The following SCUBE1 variants were observed in gnomAD, a reference collection of about 807,000 sequenced individuals.
The protein encoded by SCUBE1 is signal peptide, CUB and EGF-like domain-containing protein 1.
SCUBE1 carries 59 observed loss-of-function variants against 124.4 expected under a neutral mutation model. The ratio of observed to expected loss-of-function variants is 0.47; its 90% CI spans 0.38 to 0.59. The LOEUF is 0.59. SCUBE1 is among the 20% of genes least tolerant of loss of function. The pLI, the probability that SCUBE1 is intolerant of heterozygous loss-of-function variation, is 0.00. For synonymous variants in SCUBE1, 545 were observed against 550.9 expected, an observed-to-expected ratio of 0.99 and a Z score of 0.15; for missense variants, 1,150 against 1,371.2, an observed-to-expected ratio of 0.84 and a Z score of 2.55.
intron 1 of SCUBE1, among the ~76,000 whole-genome samples, chr22:43,341,519 A>T (rs1388667459): frequency 6.6e-6 from 1 of 152,168 alleles, no homozygotes; most frequent in Non-Finnish European, 1.5e-5. Flanking sequence ...CCTCACCCCT[A>T]ATCTCCCACC....
intron 9 of SCUBE1, among the ~76,000 whole-genome samples, chr22:43,228,086 C>T (rs2039383926): frequency 6.6e-6 from 1 of 152,212 alleles, no homozygotes; most frequent in African/African-American, 2.4e-5. Context: ...TGTAGCCCGC[C>T]TCCAGAAGCC....
chr22:43,320,769 C>T (rs1404186537), intron 2 of SCUBE1, among the ~76,000 whole-genome samples: 4 of 152,222 alleles, frequency 2.6e-5, no homozygotes, highest in African/African-American at 9.6e-5. Flanking sequence ...TGCAAGAGCA[C>T]TGAAGAAACC....
At chr22:43,293,089 G>C (rs1416364315) in intron 3 of SCUBE1, among the ~76,000 whole-genome samples, 1 of 152,204 alleles carries the variant, frequency 6.6e-6, no homozygotes, top group African/African-American at 2.4e-5. Flanking sequence ...GCAGCCCCTA[G>C]GGGTGGCGAG....
In SCUBE1 at chr22:43,202,214, C is replaced by G. The variant is rs780169535; in HGVS notation, c.*1783G>C. 1.3e-5 allele frequency: 2 copies of G among 152,258 alleles called. No homozygotes were observed. The highest frequency in any genetic ancestry group is 2.4e-5 in the African/African-American group (1 of 41,460). 9.4% of individuals were successfully genotyped at this position (152,258 alleles called of 1,614,324 possible). A position where few individuals can be genotyped will look rare whatever the true frequency, so the allele number is the denominator to read the frequency against. On this transcript the variant is annotated 3_prime_UTR_variant, in exon 22 of 22. Coordinates refer to ENST00000360835, the MANE Select transcript of SCUBE1 (RefSeq NM_173050.5). ...TAGAATATGTGATCACGGCCTACCT[C>G]GTCACCAAGCCCTGAACCTCCAGGG...
chr22:43,268,620 T>C (rs1321178323), intron 4 of SCUBE1, among the ~76,000 whole-genome samples: 1 of 152,248 alleles, frequency 6.6e-6, no homozygotes, highest in Non-Finnish European at 1.5e-5. Flanking sequence ...TGCGTGACCC[T>C]GGGCAAGCCC....
chr22:43,255,565 G>A lies in SCUBE1; in HGVS notation c.727+2654C>T, dbSNP rs1306480577. 6.4e-7 allele frequency: 1 copy of A among 1,550,444 alleles called. No homozygotes were observed. The highest frequency in any genetic ancestry group is 8.7e-7 in the Non-Finnish European group (1 of 1,146,914). ...ATTGAACTGAGAGCGCTCAATTGCA[G>A]CCTCATCCTTCTCTAAAACACAAGT... On this transcript the variant is annotated intron_variant, in intron 6 of 21. Transcript: ENST00000360835. The surrounding 1 kb of genome is among the most constrained non-coding windows in gnomAD (Gnocchi z 4.7).
chr22:43,244,700 C>T (rs369704580), intron 6 of SCUBE1, among the ~76,000 whole-genome samples: 16 of 152,348 alleles, frequency 1.1e-4, no homozygotes, highest in Middle Eastern at 3.4e-3. Flanking sequence ...GGACCCTCCC[C>T]TCCCTAGGCC....
chr22:43,290,564 C>T (rs980613327), intron 4 of SCUBE1, among the ~76,000 whole-genome samples: 1 of 152,272 alleles, frequency 6.6e-6, no homozygotes, highest in Non-Finnish European at 1.5e-5. Flanking sequence ...GCCACACTGC[C>T]TGGCTTCCAA....
At chr22:43,333,023 CG>C (rs1926953218) in intron 2 of SCUBE1, among the ~76,000 whole-genome samples, 1 of 152,176 alleles carries the variant, frequency 6.6e-6, no homozygotes, top group African/African-American at 2.4e-5. Flanking sequence ...GTCCCAGATC[CG>C]GTCTTTGAGG....
At chr22:43,317,924 T>C (rs1025569080) in intron 3 of SCUBE1, among the ~76,000 whole-genome samples, 6 of 152,096 alleles carry the variant, frequency 3.9e-5, no homozygotes, top group South Asian at 2.1e-4. Flanking sequence ...CAGACACACA[T>C]AGAGCTGAGA....
intron 4 of SCUBE1, among the ~76,000 whole-genome samples, chr22:43,274,045 C>A (rs1331306226): frequency 6.6e-6 from 1 of 151,916 alleles, no homozygotes; most frequent in Non-Finnish European, 1.5e-5. Flanking sequence ...CGTTCCTCTC[C>A]CTTGATTCCT....
intron 3 of SCUBE1, among the ~76,000 whole-genome samples, chr22:43,298,509 G>C (rs960491475): frequency 6.6e-6 from 1 of 152,200 alleles, no homozygotes; most frequent in Non-Finnish European, 1.5e-5. Context: ...CCAGCCCAGG[G>C]AAGGCAGAGG....
chr22:43,332,807 C>A (rs1422309141), intron 2 of SCUBE1, among the ~76,000 whole-genome samples: 1 of 152,234 alleles, frequency 6.6e-6, no homozygotes, highest in Non-Finnish European at 1.5e-5. Flanking sequence ...CCGACACCAG[C>A]TCTGGGCCCA....
Position 43,207,965 on chromosome 22 carries a change from C to T in SCUBE1, c.2734+107G>A, listed in dbSNP as rs200099572. ...TGTTCGTTCTGCTTCCAGGTCTGTA[C>T]CTGCCAGGTCGCAGCTCCCTGAGGG... On this transcript the variant is annotated intron_variant, in intron 20 of 21. Coordinates refer to ENST00000360835, the MANE Select transcript of SCUBE1 (RefSeq NM_173050.5). 9.1e-5 allele frequency: 115 copies of T among 1,270,054 alleles called. No individual in the cohort carries two copies. In the East Asian group the frequency reaches 2.6e-3, roughly 29 times the overall value. The allele number at this position is 1,270,054 out of a possible 1,614,324, so 78.7% of individuals were successfully genotyped here.
At chr22:43,340,657 C>T (rs1054826329) in intron 1 of SCUBE1, among the ~76,000 whole-genome samples, 1 of 152,036 alleles carries the variant, frequency 6.6e-6, no homozygotes, top group South Asian at 2.1e-4. Flanking sequence ...GAGGTGAAAT[C>T]TGTTATGGGT....
Position 43,210,230 on chromosome 22 carries a change from G to T in SCUBE1, c.2394C>A (p.Cys798Ter). ...TNVTHCKNQH[C>*]GGELGDYTGY... ...CGGTGTAGTCACCAAGCTCGCCGCC[G>T]CAGTGCTGGTCTGTGGGCACAGTGG... The change falls in exon 19 of 22, where the codon TGC (cysteine) becomes TGA (stop). Residue 798 changes from cysteine to a stop codon, truncating the protein, a stop_gained. Coordinates refer to ENST00000360835, the MANE Select transcript of SCUBE1 (RefSeq NM_173050.5). LOFTEE classifies it high-confidence loss of function. This position sits in a 1 kb window ranked among gnomAD's most constrained non-coding sequence, Gnocchi z 4.5. The T allele has an allele frequency of 6.4e-7, 1 of 1,553,726 alleles. No individual in the cohort carries two copies.
At chr22:43,337,567 C>G (rs528984220) in intron 2 of SCUBE1, among the ~76,000 whole-genome samples, 2 of 152,338 alleles carry the variant, frequency 1.3e-5, no homozygotes, top group South Asian at 4.1e-4. Flanking sequence ...CTCTGTGTGC[C>G]TCCAGCCTGG....
intron 7 of SCUBE1, among the ~76,000 whole-genome samples, chr22:43,233,959 A>G (rs1922657613): frequency 6.6e-6 from 1 of 151,582 alleles, no homozygotes; most frequent in East Asian, 1.9e-4. Context: ...AACAACCCAG[A>G]CAGCAGGCTC....
intron 4 of SCUBE1, chr22:43,272,464 A>T (rs1404915965): frequency 6.6e-6 from 1 of 152,202 alleles, no homozygotes; most frequent in East Asian, 1.9e-4. Context: ...ATCTTGTATT[A>T]TCTGGCTCCC....
Sources: allele counts gnomAD v4.1 joint callset (sites outside exome capture counted in the v4.1 genomes callset), GRCh38; gene constraint gnomAD v4.1.1; non-coding constraint Gnocchi (gnomAD v3.1); transcripts MANE v1.5; gene names NCBI Gene and HGNC (gene_info 2026-07-23, HGNC 2026-07-21).